Variants in BCAT1 observed in about 807,000 individuals in gnomAD.
BCAT1 encodes the protein branched chain amino acid transaminase 1.
BCAT1 carries 48 observed loss-of-function variants against 52.4 expected under a neutral mutation model. That is an observed-to-expected ratio of 0.92 (90% CI 0.73 to 1.16). BCAT1 has a LOEUF of 1.16. Among genes scored for constraint, BCAT1 ranks in the 50% most tolerant of loss-of-function variants. BCAT1 has a pLI of 0.00. For missense variants in BCAT1, 451 were observed against 457.1 expected (o/e 0.99, Z 0.12); for synonymous variants, 167 against 161.3 (o/e 1.04, Z -0.27).
intron 1 of BCAT1, among the ~76,000 whole-genome samples, chr12:24,922,734 G>A (rs1252222873): frequency 6.6e-6 from 1 of 151,986 alleles, no homozygotes; most frequent in East Asian, 1.9e-4. Flanking sequence ...AGCCGGTGTG[G>A]CAGCGCGCGC....
intron 4 of BCAT1, among the ~76,000 whole-genome samples, chr12:24,879,754 A>G (rs1942441799): frequency 6.6e-6 from 1 of 152,238 alleles, no homozygotes. Flanking sequence ...GTGACTTCAG[A>G]CAAGTCATTT....
intron 3 of BCAT1, among the ~76,000 whole-genome samples, chr12:24,889,924 C>A (rs1942788227): frequency 6.6e-6 from 1 of 152,124 alleles, no homozygotes; most frequent in Admixed American, 6.5e-5. Context: ...TCCATAAAAA[C>A]CCAAAAGAAT....
chr12:24,857,125 A>C (rs1207898668), intron 5 of BCAT1, among the ~76,000 whole-genome samples: 1 of 152,214 alleles, frequency 6.6e-6, no homozygotes, highest in Non-Finnish European at 1.5e-5. Context: ...GGTGGCCTGG[A>C]TTCAATTCCT....
At chr12:24,834,693 T>C in intron 8 of BCAT1, 2 of 1,026,296 alleles carry the variant, frequency 1.9e-6, no homozygotes, top group Non-Finnish European at 2.4e-6. Flanking sequence ...AATAGAAATA[T>C]GGCTCTTTGA....
At chr12:24,902,449 G>T in intron 1 of BCAT1, 1 of 1,022,850 alleles carries the variant, frequency 9.8e-7, no homozygotes, top group Middle Eastern at 4.6e-4. Flanking sequence ...CAGGGAAGCG[G>T]GACTAATTGG....
In BCAT1 at chr12:24,878,656, G is replaced by A; in HGVS notation, c.391-7C>T. On this transcript the variant is annotated splice_polypyrimidine_tract_variant and splice_region_variant and intron_variant, in intron 4 of 10. Coordinates refer to ENST00000261192, the MANE Select transcript of BCAT1 (RefSeq NM_005504.7). ...GCTCTTCTTTGTCAAATACCTGAAA[G>A]AATGAAAAACATAATAAATGACAGA... The A allele has an allele frequency of 1.3e-6, 2 of 1,594,016 alleles. No individual in the cohort carries two copies. Among genetic ancestry groups the A allele is most frequent in the East Asian group, 2.2e-5 (1 of 44,606 alleles).
At chr12:24,859,548 G>A (rs1187411271) in intron 5 of BCAT1, among the ~76,000 whole-genome samples, 14 of 150,160 alleles carry the variant, frequency 9.3e-5, no homozygotes, top group Admixed American at 6.6e-5. Context: ...GTGAACCCGG[G>A]AGACGGAGCT....
intron 5 of BCAT1, among the ~76,000 whole-genome samples, chr12:24,877,941 G>A (rs954911411): frequency 6.6e-6 from 1 of 152,058 alleles, no homozygotes; most frequent in African/African-American, 2.4e-5. Flanking sequence ...ATTGCTAGAG[G>A]CCAGGAGTTT....
intron 8 of BCAT1, 26 bp from the exon 9 acceptor site, chr12:24,832,889 G>A: frequency 3.2e-6 from 5 of 1,582,362 alleles, no homozygotes; most frequent in African/African-American, 1.4e-5. Flanking sequence ...AAAATAACAA[G>A]TATATTTTAA....
intron 7 of BCAT1, among the ~76,000 whole-genome samples, chr12:24,840,320 G>T (rs1941136149): frequency 6.6e-6 from 1 of 152,100 alleles, no homozygotes; most frequent in African/African-American, 2.4e-5. Context: ...GAGCTGTGTG[G>T]TTTTTTGGTG....
At chr12:24,893,956 C>G (rs1392921055) in intron 3 of BCAT1, among the ~76,000 whole-genome samples, 1 of 152,132 alleles carries the variant, frequency 6.6e-6, no homozygotes, top group African/African-American at 2.4e-5. Flanking sequence ...ATTAGAAGAT[C>G]TAAGAAGAAA....
At chr12:24,875,763 T>C (rs1026455729) in intron 5 of BCAT1, among the ~76,000 whole-genome samples, 1 of 152,194 alleles carries the variant, frequency 6.6e-6, no homozygotes, top group Non-Finnish European at 1.5e-5. Context: ...GACTACAAGA[T>C]GGACCACAAA....
At chr12:24,907,930 G>A (rs961399923) in intron 1 of BCAT1, among the ~76,000 whole-genome samples, 16 of 152,116 alleles carry the variant, frequency 1.1e-4, no homozygotes, top group Non-Finnish European at 2.4e-4. Context: ...CTCTTCACAC[G>A]AACACACATG....
intron 5 of BCAT1, among the ~76,000 whole-genome samples, chr12:24,865,582 G>A (rs1941982528): frequency 1.3e-5 from 2 of 150,032 alleles, no homozygotes; most frequent in Admixed American, 6.7e-5. Context: ...TGATTAACAA[G>A]AAACTGAGAG....
Position 24,813,711 on chromosome 12 carries a change from G to A in BCAT1, c.*4297C>T, listed in dbSNP as rs374524555. 3.3e-5 allele frequency: 5 copies of A among 152,032 alleles called. No individual in the cohort carries two copies. The highest frequency in any genetic ancestry group is 3.3e-4 in the Admixed American group (5 of 15,270). 9.4% of individuals were successfully genotyped at this position (152,032 alleles called of 1,614,324 possible). ...AACACCAACCTTATTAAGTAGTTTT[G>A]CACTAGAAGAAAGGAAGGAATTAAA... On this transcript the variant is annotated 3_prime_UTR_variant, in exon 11 of 11. Transcript: ENST00000261192.
chr12:24,901,224 A>ATTG (rs1943094033), intron 2 of BCAT1, among the ~76,000 whole-genome samples: 1 of 152,222 alleles, frequency 6.6e-6, no homozygotes, highest in African/African-American at 2.4e-5. Flanking sequence ...CAGTGACTCA[A>ATTG]ACAGGCAGAA....
chr12:24,881,740 T>G lies in BCAT1; in HGVS notation c.280-329A>C, dbSNP rs145802632. On this transcript the variant is annotated intron_variant, in intron 3 of 10. Transcript: ENST00000261192. ...ACATCTAGAATCACACAGCACAGGT[T>G]AATTCCCTAGGCAATGGAGATCGAA... Among the ~76,000 whole-genome samples, 10 of 152,318 alleles carry G rather than the reference T, an allele frequency of 6.6e-5. No individual in the cohort carries two copies. The East Asian group carries it at 1.9e-3, about 29-fold the overall frequency.
In BCAT1 at chr12:24,836,671, T is replaced by TA. The variant is rs1169278884; in HGVS notation, c.818-76dup. 16 of 1,229,182 alleles carry TA rather than the reference T, an allele frequency of 1.3e-5. No individual in the cohort carries two copies. In the Admixed American group the frequency reaches 2.9e-4, roughly 22 times the overall value. The allele number at this position is 1,229,182 out of a possible 1,614,324, so 76.1% of individuals were successfully genotyped here. A position where few individuals can be genotyped will look rare whatever the true frequency, so the allele number is the denominator to read the frequency against. On this transcript the variant is annotated intron_variant, in intron 7 of 10. Coordinates refer to ENST00000261192, the MANE Select transcript of BCAT1 (RefSeq NM_005504.7). ...GCCTTATTATCAATAGCCATTTTTTTAAAAAACCATCACAATTTTGCTAGC... is the reference window on the plus strand; with the variant it reads ...GCCTTATTATCAATAGCCATTTTTTTAAAAAAACCATCACAATTTTGCTAGC...
intron 1 of BCAT1, among the ~76,000 whole-genome samples, chr12:24,907,659 CT>C (rs1250187905): frequency 6.6e-6 from 1 of 152,220 alleles, no homozygotes; most frequent in East Asian, 1.9e-4. Context: ...ATGATACACC[CT>C]CCCCACCCTT....
Sources: gnomAD v4.1 joint callset for allele counts (sites outside exome capture counted in the v4.1 genomes callset) on GRCh38, gnomAD v4.1.1 for gene constraint, MANE v1.5 for transcripts, NCBI Gene and HGNC (gene_info 2026-07-23, HGNC 2026-07-21) for gene names.